NAE1: variants seen among roughly 807,000 people sequenced by gnomAD.
NAE1 encodes the protein NEDD8-activating enzyme E1 regulatory subunit.
In NAE1, 59 loss-of-function variants were observed where a neutral mutation model predicts 88.0. The observed-to-expected ratio is 0.67, with a 90% CI of 0.54 to 0.83. The LOEUF is 0.83. Ranked by LOEUF, NAE1 falls within the 40% of genes least tolerant of loss-of-function variation. The pLI is 0.00. For synonymous variants in NAE1, 186 were observed against 208.9 expected, an observed-to-expected ratio of 0.89 and a Z score of 0.95; for missense variants, 554 against 632.8, an observed-to-expected ratio of 0.88 and a Z score of 1.34.
chr16:66,817,338 T>A, intron 9 of NAE1, 87 bp downstream of exon 9: 1 of 1,137,922 alleles, frequency 8.8e-7, no homozygotes, highest in Non-Finnish European at 1.3e-6. Context: ...GGAAAAAAAA[T>A]TAATCTCCCA....
chr16:66,809,180 C>T (rs1959690448), intron 15 of NAE1, 105 bp from the exon 16 acceptor site: 3 of 699,146 alleles, frequency 4.3e-6, no homozygotes, highest in Non-Finnish European at 7.0e-6. Context: ...CCTTCTCAGA[C>T]ATGAGAATGT....
intron 1 of NAE1, among the ~76,000 whole-genome samples, chr16:66,829,217 C>T (rs1187274228): frequency 2.6e-5 from 4 of 152,202 alleles, no homozygotes; most frequent in African/African-American, 9.6e-5. Context: ...TCAGCAAAAA[C>T]CCTCTTTTGT....
intron 14 of NAE1, 98 bp downstream of exon 14, chr16:66,810,599 G>C: frequency 8.4e-7 from 1 of 1,189,466 alleles, no homozygotes; most frequent in Non-Finnish European, 1.2e-6. Flanking sequence ...TCCCTCTAAA[G>C]AAGCACAGAG....
rs77699528 is a variant in NAE1 at position 66,826,523 on chromosome 16, T to A, written c.218A>T (p.Asn73Ile). 6.2e-7 allele frequency: 1 copy of A among 1,614,038 alleles called. No individual in the cohort carries two copies. The highest frequency in any genetic ancestry group is 8.5e-7 in the Non-Finnish European group (1 of 1,179,988). The change falls in exon 3 of 20, where the codon AAT (asparagine) becomes ATT (isoleucine). Residue 73 changes from asparagine to isoleucine, a missense_variant and splice_region_variant. By Grantham distance (149) the Asn-to-Ile change is moderately radical. Coordinates refer to ENST00000290810, the MANE Select transcript of NAE1 (RefSeq NM_003905.4). ...NQVSGEDAGN[N>I]FFLQRSSIGK... ...TATATTTGAAGAGAATAGAACATACTTGTTTCCAGCATCTTCTCCGCTGAC... is the reference window on the plus strand; with the variant it reads ...TATATTTGAAGAGAATAGAACATACATGTTTCCAGCATCTTCTCCGCTGAC...
Position 66,830,946 on chromosome 16 carries a change from G to T in NAE1, c.-47C>A. ...AACAGCCGAGCCCCTGCGGAGCGCCGCCACCAGCTCCACAAGCGCGCAGGC... is the reference window on the plus strand; with the variant it reads ...AACAGCCGAGCCCCTGCGGAGCGCCTCCACCAGCTCCACAAGCGCGCAGGC... On this transcript the variant is annotated 5_prime_UTR_variant, in exon 1 of 20. Transcript: ENST00000290810. 1 of 1,478,982 alleles carries T rather than the reference G, an allele frequency of 6.8e-7. No homozygotes were observed. The highest frequency in any genetic ancestry group is 1.5e-5 in the African/African-American group (1 of 68,124). The allele number at this position is 1,478,982 out of a possible 1,614,324, so 91.6% of individuals were successfully genotyped here.
rs760835866 is a variant in NAE1 at position 66,813,856 on chromosome 16, G to A, written c.841-10C>T. On this transcript the variant is annotated splice_polypyrimidine_tract_variant and intron_variant, in intron 11 of 19. Transcript: ENST00000290810. ...CAATACTGCTTGGGATCTAACAAAG[G>A]AACATGAAACATTTACTTACACAGT... 6.2e-7 allele frequency: 1 copy of A among 1,609,370 alleles called. No homozygotes were observed. The highest frequency in any genetic ancestry group is 1.7e-5 in the Admixed American group (1 of 59,704).
At chr16:66,827,136 T>C (rs370823266) in intron 1 of NAE1, among the ~76,000 whole-genome samples, 4 of 152,286 alleles carry the variant, frequency 2.6e-5, no homozygotes, top group African/African-American at 9.6e-5. Context: ...ATTTATTCTT[T>C]GTTTTGTTTT....
rs1959543930 is a variant in NAE1 at position 66,805,911 on chromosome 16, C to A, written c.1445+1G>T. The A allele has an allele frequency of 6.2e-7, 1 of 1,607,864 alleles. No homozygotes were observed. The highest frequency in any genetic ancestry group is 8.5e-7 in the Non-Finnish European group (1 of 1,178,140). On this transcript the variant is annotated splice_donor_variant, in intron 18 of 19. Transcript: ENST00000290810. LOFTEE classifies it high-confidence loss of function. ...TCCTAGATACCCTAAAAAATACTCA[C>A]AATTCGTGGACATAATCATCTTTCA...
chr16:66,826,875 CTGATA>C, intron 1 of NAE1, 95 bp from the exon 2 acceptor site: 1 of 1,118,394 alleles, frequency 8.9e-7, no homozygotes, highest in South Asian at 1.5e-5. Context: ...CTTGCATAGA[CTGATA>C]TGATAACCAC....
At chr16:66,803,510 C>CA (rs1174447636) in intron 19 of NAE1, among the ~76,000 whole-genome samples, 1 of 151,674 alleles carries the variant, frequency 6.6e-6, no homozygotes, top group African/African-American at 2.4e-5. Flanking sequence ...TTACTCAAAA[C>CA]AAAAAAACTA....
intron 13 of NAE1, among the ~76,000 whole-genome samples, chr16:66,811,844 A>G (rs1266223816): frequency 6.6e-6 from 1 of 152,246 alleles, no homozygotes; most frequent in African/African-American, 2.4e-5. Flanking sequence ...CTCTTAGGCT[A>G]GGACAACAAA....
At chr16:66,823,346 C>T in intron 5 of NAE1, 40 bp from the exon 6 acceptor site, 1 of 1,482,608 alleles carries the variant, frequency 6.7e-7, no homozygotes, top group Non-Finnish European at 9.2e-7. Context: ...CAAAAAAAAC[C>T]AATTTCACAA....
intron 16 of NAE1, 124 bp from the exon 17 acceptor site, chr16:66,808,737 A>T: frequency 1.3e-6 from 1 of 763,572 alleles, no homozygotes; most frequent in Non-Finnish European, 2.2e-6. Context: ...TCTCTACTGA[A>T]GTAGTAACAT....
In NAE1 at chr16:66,808,618, A is replaced by T; in HGVS notation, c.1238-5T>A. On this transcript the variant is annotated splice_region_variant and splice_polypyrimidine_tract_variant and intron_variant, in intron 16 of 19. Coordinates refer to ENST00000290810, the MANE Select transcript of NAE1 (RefSeq NM_003905.4). ...CTGGATTGTCCATGCTAGAAACTGA[A>T]AGGAAAAAAAATTTCAGTTTAATTT... 1.3e-6 allele frequency: 2 copies of T among 1,586,008 alleles called. No individual in the cohort carries two copies. The highest frequency in any genetic ancestry group is 1.7e-6 in the Non-Finnish European group (2 of 1,160,886).
Position 66,805,781 on chromosome 16 carries a change from C to G in NAE1, c.1491G>C (p.Leu497Phe), listed in dbSNP as rs761746173. 11 of 1,493,430 alleles carry G rather than the reference C, an allele frequency of 7.4e-6. No homozygotes were observed. Among genetic ancestry groups the G allele is most frequent in the Non-Finnish European group, 8.9e-6 (10 of 1,126,308 alleles). The allele number at this position is 1,493,430 out of a possible 1,614,324, so 92.5% of individuals were successfully genotyped here. A position where few individuals can be genotyped will look rare whatever the true frequency, so the allele number is the denominator to read the frequency against. The change falls in exon 19 of 20, where the codon TTG (leucine) becomes TTC (phenylalanine). Residue 497 changes from leucine (L) to phenylalanine (F), a missense_variant. Leu to Phe is a conservative substitution (Grantham distance 22, BLOSUM62 0). Transcript: ENST00000290810. The part of the protein sequence containing the change: ...AAEPHTIAAF[L>F]GGAAAQEVIK... ...CTTCTCATATATGGAACTCACCCCCCAAGAATGCAGCAATGGTATGTGGCT... is the reference window on the plus strand; with the variant it reads ...CTTCTCATATATGGAACTCACCCCCGAAGAATGCAGCAATGGTATGTGGCT...
intron 19 of NAE1, 51 bp from the exon 20 acceptor site, chr16:66,803,169 G>C (rs747873505): frequency 8.2e-7 from 1 of 1,219,660 alleles, no homozygotes; most frequent in South Asian, 1.2e-5. Context: ...AACTTCAAGA[G>C]TTACATACTC....
intron 4 of NAE1, 24 bp from the exon 5 acceptor site, chr16:66,823,624 C>G (rs1960352791): frequency 1.3e-6 from 2 of 1,577,040 alleles, no homozygotes; most frequent in East Asian, 4.5e-5. Context: ...AAGCATTTAA[C>G]TTGAATTAGA....
In NAE1 at chr16:66,813,695, A is replaced by T. The variant is rs781298783; in HGVS notation, c.903T>A (p.Thr301=). The T allele has an allele frequency of 1.2e-6, 2 of 1,611,254 alleles. No homozygotes were observed. Among genetic ancestry groups the T allele is most frequent in the Non-Finnish European group, 1.7e-6 (2 of 1,178,728 alleles). The part of the protein sequence containing the change: ...DDRCINITKQ[T]PSFWILARAL... ...CACGAGCTAAAATCCAAAATGATGG[A>T]GTCTAAAAGAATAAGAAAAAATTAA... The change falls in exon 13 of 20, where the codon ACT becomes ACA. Residue 301 remains threonine, a splice_region_variant and synonymous_variant. Transcript: ENST00000290810.
At chr16:66,826,812 A>G in intron 1 of NAE1, 32 bp from the exon 2 acceptor site, 1 of 1,567,082 alleles carries the variant, frequency 6.4e-7, no homozygotes, top group Non-Finnish European at 8.6e-7. Flanking sequence ...GATGTTTTTA[A>G]AACTTTCATG....
Sources: allele counts gnomAD v4.1 joint callset (sites outside exome capture counted in the v4.1 genomes callset), GRCh38; gene constraint gnomAD v4.1.1; transcripts MANE v1.5; gene names NCBI Gene and HGNC (gene_info 2026-07-23, HGNC 2026-07-21).